Variants in CYTH1 observed in about 807,000 individuals in gnomAD.
CYTH1 encodes cytohesin 1.
A neutral mutation model predicts 61.8 loss-of-function variants in CYTH1; 18 were observed. The observed-to-expected ratio is 0.29, with a 90% CI of 0.20 to 0.43. CYTH1 has a LOEUF of 0.43. Among genes scored for constraint, CYTH1 ranks in the 20% least tolerant of loss-of-function variants. The pLI is 1.00. For missense variants in CYTH1, 336 were observed against 510.5 expected, an observed-to-expected ratio of 0.66 and a Z score of 3.29; for synonymous variants, 174 against 184.3, an observed-to-expected ratio of 0.94 and a Z score of 0.45.
intron 1 of CYTH1, among the ~76,000 whole-genome samples, chr17:78,766,611 A>C (rs925568432): frequency 2.0e-5 from 3 of 152,192 alleles, no homozygotes; most frequent in African/African-American, 7.2e-5. Flanking sequence ...TGGCTCTTTC[A>C]ATGTAAATGT....
chr17:78,688,538 A>C (rs1288504444), intron 11 of CYTH1, among the ~76,000 whole-genome samples: 1 of 152,190 alleles, frequency 6.6e-6, no homozygotes, highest in African/African-American at 2.4e-5. Context: ...GCCTCTCCTA[A>C]AAGCGCATGA....
chr17:78,695,980 C>T lies in CYTH1; in HGVS notation c.814+27G>A, dbSNP rs371621516. The T allele has an allele frequency of 2.7e-4, 363 of 1,367,524 alleles. 1 individual carries two copies. In the Middle Eastern group the frequency reaches 5.7e-3, roughly 21 times the overall value. 84.7% of individuals were successfully genotyped at this position (1,367,524 alleles called of 1,614,324 possible). A position where few individuals can be genotyped will look rare whatever the true frequency, so the allele number is the denominator to read the frequency against. ...CAGTAATGACAGTGGCCTAGCAGAG[C>T]GAGCGAGCAGGCTGAGGGTTACATA... On this transcript the variant is annotated intron_variant, in intron 10 of 13. Coordinates refer to ENST00000446868, the MANE Select transcript of CYTH1 (RefSeq NM_004762.6).
At chr17:78,772,051 A>G (rs2093473453) in intron 1 of CYTH1, among the ~76,000 whole-genome samples, 1 of 152,186 alleles carries the variant, frequency 6.6e-6, no homozygotes, top group African/African-American at 2.4e-5. Flanking sequence ...CACCTCCTCC[A>G]TGCCTCTATG....
chr17:78,687,644 A>C (rs1305109491), intron 11 of CYTH1, among the ~76,000 whole-genome samples: 1 of 152,110 alleles, frequency 6.6e-6, no homozygotes, highest in Non-Finnish European at 1.5e-5. Flanking sequence ...CAATCTCTCT[A>C]ATGTTTGAAA....
chr17:78,734,863 C>T (rs986686618), intron 1 of CYTH1, among the ~76,000 whole-genome samples: 9 of 152,094 alleles, frequency 5.9e-5, no homozygotes, highest in Admixed American at 3.3e-4. Context: ...TTCTTTAGGG[C>T]GTAAGTCTAG....
chr17:78,748,103 TC>T, intron 1 of CYTH1, among the ~76,000 whole-genome samples: 1 of 152,224 alleles, frequency 6.6e-6, no homozygotes, highest in East Asian at 1.9e-4. Flanking sequence ...CTCTGCAGCC[TC>T]CTCCCATCAC....
intron 6 of CYTH1, among the ~76,000 whole-genome samples, chr17:78,701,076 C>T (rs981948520): frequency 3.3e-5 from 5 of 152,080 alleles, no homozygotes; most frequent in African/African-American, 7.2e-5. Context: ...ACGCTATTTC[C>T]GGAAACAATA....
At chr17:78,761,268 A>C (rs2093427565) in intron 1 of CYTH1, among the ~76,000 whole-genome samples, 1 of 152,214 alleles carries the variant, frequency 6.6e-6, no homozygotes, top group East Asian at 1.9e-4. Context: ...TTCAAGTTTC[A>C]GATCTCCAAG....
At chr17:78,683,978 T>C (rs2092790062) in intron 11 of CYTH1, among the ~76,000 whole-genome samples, 1 of 152,180 alleles carries the variant, frequency 6.6e-6, no homozygotes, top group Admixed American at 6.5e-5. Context: ...ATGTATACTC[T>C]TTGACTGGTG....
chr17:78,767,295 C>A (rs145983032), intron 1 of CYTH1, among the ~76,000 whole-genome samples: 1 of 152,112 alleles, frequency 6.6e-6, no homozygotes, highest in African/African-American at 2.4e-5. Context: ...TAGTGAATCC[C>A]CATGTCTAAA....
At chr17:78,689,657 G>A (rs1034374501) in intron 11 of CYTH1, among the ~76,000 whole-genome samples, 38 of 152,164 alleles carry the variant, frequency 2.5e-4, no homozygotes, top group African/African-American at 9.2e-4. Flanking sequence ...GAGGACCCCT[G>A]TATTTGGGGA....
intron 9 of CYTH1, chr17:78,696,588 A>C (rs1008061386): frequency 1.3e-5 from 2 of 152,444 alleles, no homozygotes; most frequent in African/African-American, 4.8e-5. Flanking sequence ...AGTGTGCTAC[A>C]ATGAAAACAC....
intron 1 of CYTH1, among the ~76,000 whole-genome samples, chr17:78,743,621 A>C (rs560996262): frequency 6.6e-6 from 1 of 152,312 alleles, no homozygotes; most frequent in East Asian, 1.9e-4. Context: ...CAGATAAGAA[A>C]TACTCAACCC....
chr17:78,730,496 G>A (rs1213465903), intron 1 of CYTH1, among the ~76,000 whole-genome samples: 4 of 149,370 alleles, frequency 2.7e-5, no homozygotes, highest in African/African-American at 7.4e-5. Flanking sequence ...CCGAGATCAC[G>A]CCACTGCACT....
At chr17:78,771,826 C>T (rs1392246344) in intron 1 of CYTH1, among the ~76,000 whole-genome samples, 3 of 151,768 alleles carry the variant, frequency 2.0e-5, no homozygotes, top group Admixed American at 1.3e-4. Context: ...AATTCAGTCA[C>T]TAAAGAAAGC....
In CYTH1 at chr17:78,760,394, TAC is replaced by T. The variant is rs1160486475; in HGVS notation, c.22+21806_22+21807del. On this transcript the variant is annotated intron_variant, in intron 1 of 13. Coordinates refer to ENST00000446868, the MANE Select transcript of CYTH1 (RefSeq NM_004762.6). ...ATATATATATATATATACACACACA[TAC>T]ATATATATATGTGTATATATATATA... Among the ~76,000 whole-genome samples the T allele has an allele frequency of 1.3e-3, 62 of 48,252 alleles. 1 individual carries two copies. Among genetic ancestry groups the T allele is most frequent in the African/African-American group, 2.3e-3 (36 of 15,906 alleles). 31.7% of individuals were successfully genotyped at this position (48,252 alleles called of 152,430 possible). A position where few individuals can be genotyped will look rare whatever the true frequency, so the allele number is the denominator to read the frequency against.
intron 10 of CYTH1, among the ~76,000 whole-genome samples, chr17:78,695,502 C>T (rs774755587): frequency 1.3e-5 from 2 of 152,140 alleles, no homozygotes; most frequent in African/African-American, 2.4e-5. Context: ...GCTTTTCCAT[C>T]ATGGTAAATC....
intron 2 of CYTH1, 200 bp downstream of exon 2, chr17:78,709,450 C>T: frequency 1.8e-6 from 1 of 558,384 alleles, no homozygotes; most frequent in East Asian, 3.0e-5. Flanking sequence ...CTGGACAAGC[C>T]ACTCAACCTC....
At chr17:78,725,980 C>T (rs1253313265) in intron 1 of CYTH1, among the ~76,000 whole-genome samples, 2 of 151,882 alleles carry the variant, frequency 1.3e-5, no homozygotes, top group African/African-American at 4.8e-5. Context: ...ATAGGAATCT[C>T]AGGACCAACA....
Sources: allele counts gnomAD v4.1 joint callset (sites outside exome capture counted in the v4.1 genomes callset), GRCh38; gene constraint gnomAD v4.1.1; transcripts MANE v1.5; gene names NCBI Gene and HGNC (gene_info 2026-07-23, HGNC 2026-07-21).